Variants in CDH8 observed in about 807,000 individuals in gnomAD.
CDH8 encodes cadherin-8.
CDH8 carries 17 observed loss-of-function variants against 68.1 expected under a neutral mutation model. The observed-to-expected ratio is 0.25, with a 90% CI of 0.17 to 0.37. The LOEUF (loss-of-function observed/expected upper bound fraction) is 0.37, where lower values mean the gene tolerates loss of function less well. Ranked by LOEUF, CDH8 falls within the 10% of genes least tolerant of loss-of-function variation. The probability of loss-of-function intolerance (pLI) is 1.00; values close to 1 mark genes in which losing one functional copy is unlikely to be tolerated. For missense variants in CDH8, 763 were observed against 999.3 expected (o/e 0.76, Z 3.19); for synonymous variants, 372 against 365.1 (o/e 1.02, Z -0.21).
At chr16:61,714,112 T>TAAGGAGAA in intron 9 of CDH8, 154 bp from the exon 10 acceptor site, 2 of 647,244 alleles carry the variant, frequency 3.1e-6, no homozygotes, top group Non-Finnish European at 5.5e-6. Context: ...GTGCCAAGAA[T>TAAGGAGAA]AAGGAGAAAA....
At chr16:62,029,408 G>C (rs972752751) in intron 1 of CDH8, among the ~76,000 whole-genome samples, 6 of 152,160 alleles carry the variant, frequency 3.9e-5, no homozygotes, top group Non-Finnish European at 8.8e-5. Flanking sequence ...GCATGAACCA[G>C]GGTGGGTATA....
At chr16:61,795,436 A>C (rs2142995491) in intron 7 of CDH8, among the ~76,000 whole-genome samples, 1 of 152,228 alleles carries the variant, frequency 6.6e-6, no homozygotes, top group Middle Eastern at 3.4e-3. Context: ...TGAAACTCTC[A>C]GGTTGGTGCA....
intron 2 of CDH8, among the ~76,000 whole-genome samples, chr16:61,960,152 T>C (rs531001122): frequency 3.8e-5 from 2 of 52,520 alleles, no homozygotes; most frequent in East Asian, 1.3e-3. Flanking sequence ...TATATACATA[T>C]GTGTGTGTGT....
At chr16:62,012,788 C>A (rs1006716678) in intron 2 of CDH8, among the ~76,000 whole-genome samples, 3 of 152,144 alleles carry the variant, frequency 2.0e-5, no homozygotes, top group Admixed American at 2.0e-4. Context: ...GAATCAATGT[C>A]AGAAATTAAC....
chr16:61,655,721 T>C lies in CDH8; in HGVS notation c.1655A>G (p.Asp552Gly). 1 of 1,612,542 alleles carries C rather than the reference T, an allele frequency of 6.2e-7. No homozygotes were observed. Among genetic ancestry groups the C allele is most frequent in the Non-Finnish European group, 8.5e-7 (1 of 1,179,034 alleles). Residue 552 changes from aspartate to glycine, a missense_variant and splice_region_variant, in exon 11 of 12, where the codon GAT becomes GGT. Transcript: ENST00000577390. ...CTTTGCCAAAATACTGAGGGAATTA[T>C]CTGAAAAAAGTAAAAATTACAATAA... Reference protein sequence around the residue: ...NPNFTIKKNEDNSLSILAKHN... With the variant: ...NPNFTIKKNEGNSLSILAKHN...
At chr16:61,880,136 G>C (rs1475297162) in intron 3 of CDH8, among the ~76,000 whole-genome samples, 1 of 152,152 alleles carries the variant, frequency 6.6e-6, no homozygotes, top group African/African-American at 2.4e-5. Flanking sequence ...ATATTGGCCA[G>C]GCTGGTCTTG....
At chr16:61,863,602 T>C (rs1384105162) in intron 3 of CDH8, among the ~76,000 whole-genome samples, 1 of 152,148 alleles carries the variant, frequency 6.6e-6, no homozygotes, top group Non-Finnish European at 1.5e-5. Flanking sequence ...ATGTGCCCAC[T>C]GGAAAAGCTA....
chr16:61,754,704 T>C (rs1960265315), intron 8 of CDH8, among the ~76,000 whole-genome samples: 1 of 152,140 alleles, frequency 6.6e-6, no homozygotes, highest in Admixed American at 6.6e-5. Flanking sequence ...GTTAACTATA[T>C]TTTCCCTACT....
intron 7 of CDH8, among the ~76,000 whole-genome samples, chr16:61,792,253 T>TA (rs1961395400): frequency 6.6e-6 from 1 of 151,982 alleles, no homozygotes; most frequent in African/African-American, 2.4e-5. Context: ...AGTCTATAAA[T>TA]ACAGCCCTTT....
intron 8 of CDH8, among the ~76,000 whole-genome samples, chr16:61,739,915 A>ATATATATATT (rs373723105): frequency 9.1e-6 from 1 of 109,578 alleles, no homozygotes; most frequent in African/African-American, 3.7e-5. Context: ...ATATATATGT[A>ATATATATATT]TTTTTTTTTT....
In CDH8 at chr16:61,817,724, G is replaced by A. The variant is rs759106393; in HGVS notation, c.1032C>T (p.Asp344=). 13 of 1,558,700 alleles carry A rather than the reference G, an allele frequency of 8.3e-6. No homozygotes were observed. In the East Asian group the frequency reaches 2.7e-4, roughly 32 times the overall value. Residue 344 remains aspartate, a synonymous_variant, in exon 7 of 12, where the codon GAC becomes GAT. Transcript: ENST00000577390. ...DGIIRLRKPL[D]FETKKSYTLK... The stretch of plus-strand genomic sequence containing the variant: ...GCGTATAGGATTTTTTGGTCTCAAA[G>A]TCCAGAGGCTGTTAAGAAATGACAA...
At chr16:61,965,477 A>G (rs1965231740) in intron 2 of CDH8, among the ~76,000 whole-genome samples, 1 of 152,162 alleles carries the variant, frequency 6.6e-6, no homozygotes, top group African/African-American at 2.4e-5. Flanking sequence ...ATGAAACCCA[A>G]GGTTCACAAT....
intron 10 of CDH8, among the ~76,000 whole-genome samples, chr16:61,659,770 T>G (rs754329499): frequency 1.3e-5 from 2 of 152,158 alleles, no homozygotes; most frequent in East Asian, 3.9e-4. Flanking sequence ...CTCAGGATTT[T>G]GCCCAGGGGG....
At chr16:61,743,474 T>A (rs1182929011) in intron 8 of CDH8, 3 of 152,898 alleles carry the variant, frequency 2.0e-5, no homozygotes, top group Admixed American at 2.0e-4. Flanking sequence ...CGCCCTCATA[T>A]CCTTCCATTA....
chr16:61,736,471 C>T (rs1279078002), intron 8 of CDH8, among the ~76,000 whole-genome samples: 1 of 152,076 alleles, frequency 6.6e-6, no homozygotes, highest in East Asian at 1.9e-4. Flanking sequence ...TTTTGTTTAG[C>T]CCTAAGTAGA....
At chr16:61,922,485 A>C (rs572959871) in intron 2 of CDH8, among the ~76,000 whole-genome samples, 14 of 152,308 alleles carry the variant, frequency 9.2e-5, no homozygotes, top group Non-Finnish European at 1.5e-4. Flanking sequence ...CACCTGAGAC[A>C]GTATTTTATA....
intron 8 of CDH8, among the ~76,000 whole-genome samples, chr16:61,768,398 T>TTCTC (rs530131371): frequency 0.11 from 3,860 of 34,938 alleles, 347 homozygotes; most frequent in African/African-American, 0.25. Context: ...CTCTCTCCCT[T>TTCTC]TCTCTCTCTC....
At chr16:61,870,992 A>G (rs1963346483) in intron 3 of CDH8, among the ~76,000 whole-genome samples, 1 of 152,160 alleles carries the variant, frequency 6.6e-6, no homozygotes, top group Non-Finnish European at 1.5e-5. Context: ...TCAGATTTCC[A>G]AAAGAGGATA....
rs546502042 is a variant in CDH8, at chr16:62,034,456, G to T, written c.-200+1624C>A. On this transcript the variant is annotated intron_variant, in intron 1 of 11. Transcript: ENST00000577390. ...AGCCTGAGGTGACAGCCCAAGGAGGGTTTTTAACCATTGAGATGGCTGTCA... is the reference window on the plus strand; with the variant it reads ...AGCCTGAGGTGACAGCCCAAGGAGGTTTTTTAACCATTGAGATGGCTGTCA... 7.0e-4 allele frequency among the ~76,000 whole-genome samples: 106 copies of T among 152,248 alleles called. 2 individuals carry two copies. Among genetic ancestry groups the T allele is most frequent in the African/African-American group, 2.5e-3 (104 of 41,544 alleles).
Sources: allele counts gnomAD v4.1 joint callset (sites outside exome capture counted in the v4.1 genomes callset), GRCh38; gene constraint gnomAD v4.1.1; transcripts MANE v1.5; gene names NCBI Gene and HGNC (gene_info 2026-07-23, HGNC 2026-07-21).